The following XPR1 variants were observed in gnomAD, a reference collection of about 807,000 sequenced individuals.
The protein encoded by XPR1 is solute carrier family 53 member 1.
Under a neutral mutation model 87.5 loss-of-function variants are expected in XPR1, and 28 were observed. The ratio of observed to expected loss-of-function variants is 0.32; its 90% confidence interval spans 0.24 to 0.44. XPR1 has a LOEUF of 0.44. Ranked by LOEUF, XPR1 falls within the 20% of genes least tolerant of loss-of-function variation. The pLI, the probability that XPR1 is intolerant of heterozygous loss-of-function variation, is 1.00. For synonymous variants in XPR1, 300 were observed against 306.1 expected (o/e 0.98, Z 0.21); for missense variants, 559 against 862.3 (o/e 0.65, Z 4.41).
At chr1:180,792,769 C>T (rs923039379) in intron 3 of XPR1, among the ~76,000 whole-genome samples, 3 of 151,010 alleles carry the variant, frequency 2.0e-5, no homozygotes, top group Middle Eastern at 3.4e-3. Flanking sequence ...CGTTAGAAAC[C>T]TTTTTTTTTG....
chr1:180,717,939 A>G (rs952728328), intron 2 of XPR1, among the ~76,000 whole-genome samples: 1 of 152,202 alleles, frequency 6.6e-6, no homozygotes, highest in Non-Finnish European at 1.5e-5. Context: ...CAATAGTTAC[A>G]TTTAATAGAA....
intron 1 of XPR1, among the ~76,000 whole-genome samples, chr1:180,680,468 C>T (rs1039312900): frequency 1.4e-5 from 2 of 143,930 alleles, no homozygotes; most frequent in East Asian, 2.2e-4. Context: ...CGGGTTCAAG[C>T]GATTCTCCTG....
intron 2 of XPR1, among the ~76,000 whole-genome samples, chr1:180,723,691 C>A (rs1658246795): frequency 6.6e-6 from 1 of 152,192 alleles, no homozygotes; most frequent in Admixed American, 6.5e-5. Flanking sequence ...GGAACCTCCT[C>A]TCTGTCCTTT....
intron 2 of XPR1, among the ~76,000 whole-genome samples, chr1:180,712,345 A>G (rs141223089): frequency 1.0e-3 from 154 of 152,322 alleles, no homozygotes; most frequent in African/African-American, 3.1e-3. Context: ...CCCAGGCAAA[A>G]TGGAGCAGGA....
chr1:180,751,117 C>A (rs1196308450), intron 2 of XPR1, among the ~76,000 whole-genome samples: 1 of 151,914 alleles, frequency 6.6e-6, no homozygotes, highest in Non-Finnish European at 1.5e-5. Flanking sequence ...AACCTGAAAC[C>A]TAGTTAAATT....
chr1:180,660,430 A>G (rs899769205), intron 1 of XPR1, among the ~76,000 whole-genome samples: 1 of 151,980 alleles, frequency 6.6e-6, no homozygotes, highest in East Asian at 1.9e-4. Context: ...GTTCTTTAAG[A>G]TGCATCAATA....
chr1:180,782,057 G>A (rs543630475), intron 2 of XPR1, among the ~76,000 whole-genome samples: 31 of 152,100 alleles, frequency 2.0e-4, no homozygotes, highest in African/African-American at 7.5e-4. Context: ...CTCTATTTTA[G>A]TATAACTCAC....
At chr1:180,864,977 A>AT (rs781041315) in intron 12 of XPR1, among the ~76,000 whole-genome samples, 111 of 152,324 alleles carry the variant, frequency 7.3e-4, no homozygotes, top group Non-Finnish European at 1.3e-3. Flanking sequence ...GGAAGTGTAG[A>AT]TTAGGTCACT....
At chr1:180,659,427 CCTTCCTTCCTT>C (rs1655683415) in intron 1 of XPR1, among the ~76,000 whole-genome samples, 3 of 112,146 alleles carry the variant, frequency 2.7e-5, no homozygotes, top group African/African-American at 3.9e-5. Flanking sequence ...TTCCTTCCTT[CCTTCCTTCCTT>C]CTTCCCTCCT....
intron 1 of XPR1, among the ~76,000 whole-genome samples, chr1:180,673,865 A>G (rs1013765625): frequency 6.6e-6 from 1 of 152,190 alleles, no homozygotes; most frequent in African/African-American, 2.4e-5. Flanking sequence ...TGCAGTGCCC[A>G]TGTGTATGCT....
In XPR1 at chr1:180,679,514, A is replaced by G. The variant is rs141808247; in HGVS notation, c.70-2846A>G. Among the ~76,000 whole-genome samples, 1,002 of 152,342 alleles carry G rather than the reference A, an allele frequency of 6.6e-3. 5 individuals carry two copies. Among genetic ancestry groups the G allele is most frequent in the Non-Finnish European group, 9.3e-3 (630 of 68,026 alleles). ...AATCCTGCTGTAGGCCAATATGGGCATCACCAGTCTTTAGATGGTATTTCA... is the reference window on the plus strand; with the variant it reads ...AATCCTGCTGTAGGCCAATATGGGCGTCACCAGTCTTTAGATGGTATTTCA... On this transcript the variant is annotated intron_variant, in intron 1 of 14. Coordinates refer to ENST00000367590, the MANE Select transcript of XPR1 (RefSeq NM_004736.4).
chr1:180,704,717 C>T (rs1424262461), intron 2 of XPR1, among the ~76,000 whole-genome samples: 1 of 148,814 alleles, frequency 6.7e-6, no homozygotes, highest in African/African-American at 2.5e-5. Context: ...CCTATTATAA[C>T]TTCTTTTCTA....
At chr1:180,713,339 C>A (rs1042281802) in intron 2 of XPR1, among the ~76,000 whole-genome samples, 3 of 151,982 alleles carry the variant, frequency 2.0e-5, no homozygotes, top group Non-Finnish European at 2.9e-5. Context: ...ATATATTGAT[C>A]TTGTGCAAAT....
chr1:180,791,251 T>C (rs1649367158), intron 3 of XPR1, among the ~76,000 whole-genome samples: 1 of 152,182 alleles, frequency 6.6e-6, no homozygotes, highest in East Asian at 1.9e-4. Flanking sequence ...TATCTACTCT[T>C]GGTAGTAGAT....
At chr1:180,855,385 A>G (rs1651993345) in intron 11 of XPR1, among the ~76,000 whole-genome samples, 2 of 152,118 alleles carry the variant, frequency 1.3e-5, no homozygotes, top group African/African-American at 4.8e-5. Context: ...GGGTTTTTAC[A>G]GCTGGGCACA....
intron 2 of XPR1, among the ~76,000 whole-genome samples, chr1:180,763,709 A>G (rs2102056265): frequency 6.6e-6 from 1 of 152,342 alleles, no homozygotes; most frequent in Non-Finnish European, 1.5e-5. Flanking sequence ...AACAAGATAT[A>G]TTGGTCAGCT....
At position 180,710,589 on chromosome 1, in the gene XPR1, A is replaced by G. The variant is rs972275682; in HGVS notation, c.121+28178A>G. ...AGTACAGAACAAAATGGAGTCTCCTATGTCCACTTCTTTCTACACAGACAC... is the reference window on the plus strand; with the variant it reads ...AGTACAGAACAAAATGGAGTCTCCTGTGTCCACTTCTTTCTACACAGACAC... On this transcript the variant is annotated intron_variant, in intron 2 of 14. Transcript: ENST00000367590. 1.8e-4 allele frequency among the ~76,000 whole-genome samples: 27 copies of G among 152,298 alleles called. 1 individual carries two copies. Among genetic ancestry groups the G allele is most frequent in the East Asian group, 1.7e-3 (9 of 5,186 alleles).
At chr1:180,714,739 T>C (rs1657930971) in intron 2 of XPR1, among the ~76,000 whole-genome samples, 1 of 152,136 alleles carries the variant, frequency 6.6e-6, no homozygotes, top group Non-Finnish European at 1.5e-5. Context: ...TCTTCGATTG[T>C]TACTATTTTC....
intron 2 of XPR1, among the ~76,000 whole-genome samples, chr1:180,752,612 A>G (rs12089469): frequency 0.053 from 8,100 of 152,076 alleles, 311 homozygotes; most frequent in Non-Finnish European, 0.078. Flanking sequence ...GTGGCCATAC[A>G]TCTTGTTTGG....
Sources: allele counts gnomAD v4.1 joint callset (sites outside exome capture counted in the v4.1 genomes callset), GRCh38; gene constraint gnomAD v4.1.1; transcripts MANE v1.5; gene names NCBI Gene and HGNC (gene_info 2026-07-23, HGNC 2026-07-21).